The following SLC25A3 variants were observed in gnomAD, a reference collection of about 807,000 sequenced individuals.
The protein encoded by SLC25A3 is solute carrier family 25 member 3, also known as phosphate transport protein.
A neutral mutation model predicts 37.1 loss-of-function variants in SLC25A3; 14 were observed. That is an observed-to-expected ratio of 0.38 (90% CI 0.25 to 0.59). The LOEUF is 0.59. SLC25A3 is among the 20% of genes least tolerant of loss of function. SLC25A3 has a pLI of 0.67. For synonymous variants in SLC25A3, 161 were observed against 168.7 expected, an observed-to-expected ratio of 0.95 and a Z score of 0.36; for missense variants, 385 against 458.1, an observed-to-expected ratio of 0.84 and a Z score of 1.46.
intron 2 of SLC25A3, chr12:98,594,655 C>A: frequency 2.5e-6 from 1 of 407,372 alleles, no homozygotes; most frequent in Non-Finnish European, 4.6e-6. Flanking sequence ...GCTTGCAGCC[C>A]TACATAGGCA....
chr12:98,595,256 C>G, intron 2 of SLC25A3: 1 of 637,958 alleles, frequency 1.6e-6, no homozygotes, highest in Non-Finnish European at 2.7e-6. Flanking sequence ...ACAGAACCCT[C>G]ATAATTTTTA....
At position 98,597,988 on chromosome 12, in the gene SLC25A3, G is replaced by A. The variant is rs1385687334; in HGVS notation, c.412G>A (p.Gly138Ser). The A allele has an allele frequency of 6.2e-7, 1 of 1,613,996 alleles. No individual in the cohort carries two copies. Residue 138 changes from glycine (G) to serine (S), a missense_variant, in exon 4 of 8, where the codon GGC (glycine) becomes AGC (serine). Physicochemically the swap from Gly to Ser is moderately conservative, Grantham distance 56. Coordinates refer to ENST00000552981, the MANE Select transcript of SLC25A3 (RefSeq NM_002635.4). The stretch of plus-strand genomic sequence containing the variant: ...CTCCATGCAGGGACTCTGCAAGTTT[G>A]GCTTTTATGAAGTCTTTAAAGTCTT... ...GYSMQGLCKFGFYEVFKVLYS... is the reference protein window; with the variant it reads ...GYSMQGLCKFSFYEVFKVLYS...
intron 3 of SLC25A3, 100 bp downstream of exon 3, chr12:98,595,948 T>G (rs2097592637): frequency 9.1e-7 from 1 of 1,093,626 alleles, no homozygotes; most frequent in East Asian, 2.4e-5. Flanking sequence ...TGCTAGAAAC[T>G]TCAGTAGGAA....
Position 98,603,339 on chromosome 12 carries a change from G to C in SLC25A3, c.*1811G>C, listed in dbSNP as rs538124402. The C allele has an allele frequency of 8.5e-5, 13 of 152,348 alleles. No homozygotes were observed. Among genetic ancestry groups the C allele is most frequent in the African/African-American group, 2.6e-4 (11 of 41,574 alleles). 9.4% of individuals were successfully genotyped at this position (152,348 alleles called of 1,614,324 possible). ...GGTGGCTTCAGGGCAGCTGGACTTA[G>C]GTGGTATTTTGGGGCTCCAGGAGAG... On this transcript the variant is annotated 3_prime_UTR_variant, in exon 8 of 8. Transcript: ENST00000552981.
At chr12:98,596,743 G>T (rs1378711668) in intron 3 of SLC25A3, among the ~76,000 whole-genome samples, 6 of 152,184 alleles carry the variant, frequency 3.9e-5, no homozygotes, top group Admixed American at 6.5e-5. Flanking sequence ...GCCAAGCATG[G>T]TCGCCCACAC....
chr12:98,598,730 T>C (rs1316812197), intron 5 of SLC25A3, 27 bp downstream of exon 5: 1 of 1,577,192 alleles, frequency 6.3e-7, no homozygotes, highest in Non-Finnish European at 8.7e-7. Flanking sequence ...AAATTTATAC[T>C]ATGAAAGTAC....
At chr12:98,600,916 T>TA in intron 6 of SLC25A3, 2 of 415,142 alleles carry the variant, frequency 4.8e-6, no homozygotes, top group Non-Finnish European at 8.8e-6. Flanking sequence ...GTATTGATCT[T>TA]ACTGTTGCAC....
At chr12:98,594,676 G>A (rs2097591470) in intron 2 of SLC25A3, 3 of 336,148 alleles carry the variant, frequency 8.9e-6, no homozygotes, top group Non-Finnish European at 1.7e-5. Flanking sequence ...ATAGAAAGGA[G>A]ATAATTGGTG....
At chr12:98,594,638 G>A (rs2097591421) in intron 2 of SLC25A3, 2 of 458,748 alleles carry the variant, frequency 4.4e-6, no homozygotes, top group Middle Eastern at 6.1e-4. Context: ...TGCGACTGGA[G>A]GAGGCAGCTT....
Position 98,598,555 on chromosome 12 carries a change from T to G in SLC25A3, c.493T>G (p.Leu165Val). 1 of 1,613,404 alleles carries G rather than the reference T, an allele frequency of 6.2e-7. No homozygotes were observed. The highest frequency in any genetic ancestry group is 1.1e-5 in the South Asian group (1 of 91,054). The stretch of plus-strand genomic sequence containing the variant: ...TTATCTCTGGCGCACATCACTATAT[T>G]TGGCTGCCTCTGCCAGTGCTGAATT... Reference protein sequence around the residue: ...NTYLWRTSLYLAASASAEFFA... With the variant: ...NTYLWRTSLYVAASASAEFFA... Residue 165 changes from leucine to valine, a missense_variant, in exon 5 of 8, where the codon TTG becomes GTG. Transcript: ENST00000552981.
At position 98,595,752 on chromosome 12, in the gene SLC25A3, G is replaced by A; in HGVS notation, c.183G>A (p.Ala61=). ...AGTACAGTTGTGAATTTGGCTCCGC[G>A]AAGTATTATGCACTGTGTGGCTTTG... ...VEEYSCEFGS[A]KYYALCGFGG... is the part of the protein sequence containing the mutation. Residue 61 remains alanine (A), a synonymous_variant, in exon 3 of 8, where the codon GCG becomes GCA. Coordinates refer to ENST00000552981, the MANE Select transcript of SLC25A3 (RefSeq NM_002635.4). 11 of 1,614,136 alleles carry A rather than the reference G, an allele frequency of 6.8e-6. No homozygotes were observed. Among genetic ancestry groups the A allele is most frequent in the African/African-American group, 1.3e-5 (1 of 75,032 alleles).
chr12:98,593,793 G>T, intron 1 of SLC25A3, 53 bp downstream of exon 1: 2 of 648,682 alleles, frequency 3.1e-6, no homozygotes, highest in Non-Finnish European at 5.4e-6. Flanking sequence ...GGAGCCCAGA[G>T]CTCCTGTGGG....
Position 98,601,773 on chromosome 12 carries a change from A to G in SLC25A3, c.*245A>G, listed in dbSNP as rs997386772. On this transcript the variant is annotated 3_prime_UTR_variant, in exon 8 of 8. Coordinates refer to ENST00000552981, the MANE Select transcript of SLC25A3 (RefSeq NM_002635.4). ...TTTAGCTTTAAAATAGTTGGAAAGA[A>G]TGAAGTATATAAGTTAAGGAAAAAA... The G allele has an allele frequency of 6.1e-6, 3 of 493,838 alleles. No individual in the cohort carries two copies. Among genetic ancestry groups the G allele is most frequent in the Non-Finnish European group, 7.3e-6 (2 of 274,296 alleles). 30.6% of individuals were successfully genotyped at this position (493,838 alleles called of 1,614,324 possible).
chr12:98,595,280 T>C, intron 2 of SLC25A3: 2 of 703,014 alleles, frequency 2.8e-6, no homozygotes, highest in South Asian at 3.4e-5. Flanking sequence ...GATCTGAATT[T>C]GGCAGTGAAT....
chr12:98,598,301 G>T, intron 4 of SLC25A3: 1 of 747,472 alleles, frequency 1.3e-6, no homozygotes. Context: ...GGACTCCTTT[G>T]CGTAGTTCCG....
At chr12:98,595,359 T>C (rs190958343) in intron 2 of SLC25A3, 2 of 1,546,414 alleles carry the variant, frequency 1.3e-6, no homozygotes, top group South Asian at 2.2e-5. Flanking sequence ...CAGGGAAACA[T>C]TTTCTTTCAT....
At position 98,602,366 on chromosome 12, in the gene SLC25A3, G is replaced by A. The variant is rs969402564; in HGVS notation, c.*838G>A. ...TTTAGTAGAGACGGGGTTTCCCTGT[G>A]TTGGTCAGGCTGGTCTCGAACTTCC... On this transcript the variant is annotated 3_prime_UTR_variant, in exon 8 of 8. Coordinates refer to ENST00000552981, the MANE Select transcript of SLC25A3 (RefSeq NM_002635.4). The A allele has an allele frequency of 6.6e-6, 1 of 152,326 alleles. No homozygotes were observed. Among genetic ancestry groups the A allele is most frequent in the African/African-American group, 2.4e-5 (1 of 41,462 alleles). The allele number at this position is 152,326 out of a possible 1,614,324, so 9.4% of individuals were successfully genotyped here. A position where few individuals can be genotyped will look rare whatever the true frequency, so the allele number is the denominator to read the frequency against.
chr12:98,603,878 T>G lies in SLC25A3; in HGVS notation c.*2350T>G, dbSNP rs1251243045. 2 of 152,128 alleles carry G rather than the reference T, an allele frequency of 1.3e-5. No individual in the cohort carries two copies. The highest frequency in any genetic ancestry group is 4.8e-5 in the African/African-American group (2 of 41,368). The allele number at this position is 152,128 out of a possible 1,614,324, so 9.4% of individuals were successfully genotyped here. A position where few individuals can be genotyped will look rare whatever the true frequency, so the allele number is the denominator to read the frequency against. ...AGATTCTAGTAAGAAAATTTTAATA[T>G]GTATGTATTGGTGTTCTTTTTACAT... On this transcript the variant is annotated 3_prime_UTR_variant, in exon 8 of 8. Transcript: ENST00000552981.
At position 98,601,142 on chromosome 12, in the gene SLC25A3, A is replaced by T. The variant is rs560976885; in HGVS notation, c.815-29A>T. On this transcript the variant is annotated intron_variant, in intron 6 of 7. Transcript: ENST00000552981. ...CTGTGAAGTTTTGTTTTTAACTGGC[A>T]CTGTATGGGATCCTTTATCTTTTTT... 10 of 1,609,562 alleles carry T rather than the reference A, an allele frequency of 6.2e-6. No homozygotes were observed. In the African/African-American group the frequency reaches 1.3e-4, roughly 21 times the overall value.
Sources: gnomAD v4.1 joint callset for allele counts (sites outside exome capture counted in the v4.1 genomes callset) on GRCh38, gnomAD v4.1.1 for gene constraint, MANE v1.5 for transcripts, NCBI Gene and HGNC (gene_info 2026-07-23, HGNC 2026-07-21) for gene names.